JAZF1: variants seen among roughly 807,000 people sequenced by gnomAD.
The protein encoded by JAZF1 is JAZF zinc finger 1, also known as juxtaposed with another zinc finger protein 1.
JAZF1 carries 8 observed loss-of-function variants against 26.4 expected under a neutral mutation model. The observed-to-expected ratio is 0.30, with a 90% CI of 0.18 to 0.55. JAZF1 has a LOEUF of 0.55. Ranked by LOEUF, JAZF1 falls within the 20% of genes least tolerant of loss-of-function variation. The pLI, the probability that JAZF1 is intolerant of heterozygous loss-of-function variation, is 0.94. For synonymous variants in JAZF1, 126 were observed against 122.3 expected (o/e 1.03, Z -0.20); for missense variants, 199 against 322.0 (o/e 0.62, Z 2.92).
chr7:27,993,714 A>G (rs2128365863), intron 1 of JAZF1, among the ~76,000 whole-genome samples: 1 of 152,306 alleles, frequency 6.6e-6, no homozygotes, highest in South Asian at 2.1e-4. Context: ...AAAAGAAAGG[A>G]GGAAGGTAAG....
At chr7:28,137,100 G>A (rs908163899) in intron 1 of JAZF1, among the ~76,000 whole-genome samples, 1 of 152,190 alleles carries the variant, frequency 6.6e-6, no homozygotes, top group African/African-American at 2.4e-5. Context: ...GCAGTGACTC[G>A]TGTGAAGTTG....
chr7:27,984,393 A>C (rs1411924422), intron 2 of JAZF1, among the ~76,000 whole-genome samples: 2 of 152,238 alleles, frequency 1.3e-5, no homozygotes, highest in Admixed American at 1.3e-4. Context: ...CAATTCAACA[A>C]GAAGAGCTAA....
chr7:27,955,785 T>C (rs1583479456), intron 2 of JAZF1, among the ~76,000 whole-genome samples: 1 of 152,218 alleles, frequency 6.6e-6, no homozygotes. Context: ...CTTTACTTAA[T>C]GAAGCACTCC....
chr7:28,113,250 G>A (rs113399487), intron 1 of JAZF1, among the ~76,000 whole-genome samples: 220 of 152,216 alleles, frequency 1.4e-3, no homozygotes, highest in Middle Eastern at 0.01. Context: ...GGAAATGATC[G>A]CCAGCCTCGT....
At position 28,017,886 on chromosome 7, in the gene JAZF1, G is replaced by A. The variant is rs146416618; in HGVS notation, c.116-25905C>T. Among the ~76,000 whole-genome samples, 103 of 152,334 alleles carry A rather than the reference G, an allele frequency of 6.8e-4. 1 individual carries two copies. Among genetic ancestry groups the A allele is most frequent in the Non-Finnish European group, 1.2e-3 (79 of 68,030 alleles). The stretch of plus-strand genomic sequence containing the variant: ...CCTCCGGGGTTCAAGCGATTCTTGT[G>A]TCTCAGCCTTCCAGGTAGCTGGGAT... On this transcript the variant is annotated intron_variant, in intron 1 of 4. Transcript: ENST00000283928.
At chr7:27,894,313 G>T (rs1784023093) in intron 3 of JAZF1, among the ~76,000 whole-genome samples, 1 of 152,216 alleles carries the variant, frequency 6.6e-6, no homozygotes, top group African/African-American at 2.4e-5. Flanking sequence ...GATTATACAT[G>T]TGAGCCACAG....
chr7:28,176,710 A>G (rs1783556781), intron 1 of JAZF1, among the ~76,000 whole-genome samples: 1 of 152,210 alleles, frequency 6.6e-6, no homozygotes. Flanking sequence ...AATATATATT[A>G]TTACATAAAT....
chr7:28,000,622 CTTT>C (rs1190147547), intron 1 of JAZF1, among the ~76,000 whole-genome samples: 53 of 62,064 alleles, frequency 8.5e-4, no homozygotes, highest in Middle Eastern at 0.011. Context: ...TTCTTTCTTT[CTTT>C]TTTTTTTTTT....
chr7:28,173,484 A>G (rs1783503564), intron 1 of JAZF1, among the ~76,000 whole-genome samples: 2 of 152,232 alleles, frequency 1.3e-5, no homozygotes, highest in Admixed American at 6.5e-5. Flanking sequence ...TGTATTATTT[A>G]TATATGTGTT....
At chr7:28,036,212 A>C (rs1307701045) in intron 1 of JAZF1, among the ~76,000 whole-genome samples, 1 of 152,212 alleles carries the variant, frequency 6.6e-6, no homozygotes, top group Non-Finnish European at 1.5e-5. Flanking sequence ...TGCAATAATT[A>C]TGATTCCATT....
chr7:28,003,080 T>C (rs1019864827), intron 1 of JAZF1, among the ~76,000 whole-genome samples: 1 of 152,290 alleles, frequency 6.6e-6, no homozygotes, highest in South Asian at 2.1e-4. Flanking sequence ...AAGCCATATA[T>C]TTGAAGGTTT....
intron 2 of JAZF1, among the ~76,000 whole-genome samples, chr7:27,951,429 G>A (rs1281111074): frequency 6.6e-6 from 1 of 152,144 alleles, no homozygotes; most frequent in East Asian, 1.9e-4. Flanking sequence ...TGCTGCCACA[G>A]TGTACATGAA....
intron 2 of JAZF1, among the ~76,000 whole-genome samples, chr7:27,957,398 C>T (rs954283000): frequency 1.3e-5 from 2 of 152,172 alleles, no homozygotes; most frequent in East Asian, 3.8e-4. Flanking sequence ...TCAGAGGAAG[C>T]AATACCTCCA....
intron 1 of JAZF1, among the ~76,000 whole-genome samples, chr7:28,059,133 C>T (rs775696883): frequency 6.6e-6 from 1 of 152,094 alleles, no homozygotes; most frequent in African/African-American, 2.4e-5. Context: ...GTAAATGGAA[C>T]CTGCTAGGAC....
intron 2 of JAZF1, among the ~76,000 whole-genome samples, chr7:27,970,897 C>G (rs1468798253): frequency 1.3e-5 from 2 of 152,180 alleles, no homozygotes. Flanking sequence ...ACAGGCTTCA[C>G]AAGTTCGCCA....
At chr7:28,146,706 C>A (rs963280033) in intron 1 of JAZF1, among the ~76,000 whole-genome samples, 1 of 152,258 alleles carries the variant, frequency 6.6e-6, no homozygotes. Context: ...AAGTTCTGAT[C>A]TTCTTCCTAT....
intron 1 of JAZF1, among the ~76,000 whole-genome samples, chr7:28,101,145 T>C (rs193049072): frequency 3.9e-5 from 6 of 152,328 alleles, no homozygotes; most frequent in South Asian, 2.1e-4. Flanking sequence ...AATAGAGGCA[T>C]TGGAAATACA....
At chr7:28,040,564 G>T (rs554176652) in intron 1 of JAZF1, among the ~76,000 whole-genome samples, 1 of 152,144 alleles carries the variant, frequency 6.6e-6, no homozygotes, top group African/African-American at 2.4e-5. Context: ...GCCACAGTGG[G>T]GAGGTGGGAA....
At chr7:28,076,709 CAA>C (rs34918786) in intron 1 of JAZF1, among the ~76,000 whole-genome samples, 6,348 of 97,340 alleles carry the variant, frequency 0.065, 195 homozygotes, top group African/African-American at 0.12. Context: ...TTCTCTCTCT[CAA>C]AAAAAAAAAA....
Sources: gnomAD v4.1 joint callset for allele counts (sites outside exome capture counted in the v4.1 genomes callset) on GRCh38, gnomAD v4.1.1 for gene constraint, MANE v1.5 for transcripts, NCBI Gene and HGNC (gene_info 2026-07-23, HGNC 2026-07-21) for gene names.